The following TMEM108 variants were observed in gnomAD, a reference collection of about 807,000 sequenced individuals.
TMEM108 encodes the protein transmembrane protein 108, also known as cancer/testis antigen 124.
TMEM108 carries 12 observed loss-of-function variants against 35.1 expected under a neutral mutation model. The observed-to-expected ratio is 0.34, with a 90% CI of 0.22 to 0.55. The LOEUF is 0.55. TMEM108 is among the 20% of genes least tolerant of loss of function. The pLI is 0.89. For synonymous variants in TMEM108, 287 were observed against 308.6 expected (o/e 0.93, Z 0.73); for missense variants, 680 against 753.3 (o/e 0.90, Z 1.14).
chr3:133,075,049 A>G (rs767581802), intron 2 of TMEM108, among the ~76,000 whole-genome samples: 1 of 152,030 alleles, frequency 6.6e-6, no homozygotes, highest in African/African-American at 2.4e-5. Flanking sequence ...GGCTCTATCC[A>G]TGTTGCTATG....
chr3:133,304,203 A>G (rs774526802), intron 3 of TMEM108, among the ~76,000 whole-genome samples: 6 of 152,180 alleles, frequency 3.9e-5, no homozygotes, highest in Non-Finnish European at 8.8e-5. Context: ...CATGTGTATA[A>G]TACGGCTGTG....
intron 3 of TMEM108, among the ~76,000 whole-genome samples, chr3:133,329,158 A>G (rs1293185731): frequency 5.9e-5 from 9 of 151,908 alleles, no homozygotes; most frequent in Admixed American, 1.3e-4. Flanking sequence ...CAACACTAGT[A>G]CTTTGTGAAA....
intron 3 of TMEM108, among the ~76,000 whole-genome samples, chr3:133,324,008 C>T (rs555280760): frequency 6.6e-6 from 1 of 152,142 alleles, no homozygotes. Flanking sequence ...CCTCTCTCAC[C>T]TTATACAAAA....
intron 3 of TMEM108, among the ~76,000 whole-genome samples, chr3:133,367,323 G>A (rs979155558): frequency 1.3e-5 from 2 of 152,206 alleles, no homozygotes; most frequent in Non-Finnish European, 2.9e-5. Context: ...TAACATTAAT[G>A]ATGGTATCAG....
chr3:133,193,497 A>G (rs1393961534), intron 2 of TMEM108, among the ~76,000 whole-genome samples: 1 of 152,112 alleles, frequency 6.6e-6, no homozygotes, highest in African/African-American at 2.4e-5. Flanking sequence ...CAAAGTCCTG[A>G]GTTGGAATCA....
rs557380525 is a variant in TMEM108 at position 133,359,368 on chromosome 3, G to T, written c.41-20384G>T. Among the ~76,000 whole-genome samples the T allele has an allele frequency of 2.0e-5, 3 of 152,240 alleles. No individual in the cohort carries two copies. In the South Asian group the frequency reaches 6.2e-4, roughly 32 times the overall value. ...GCAGCATTTTCCCAAGTTTATTTGG[G>T]AACCCTTTTCTTACAAGTACAGAGT... On this transcript the variant is annotated intron_variant, in intron 3 of 5. Transcript: ENST00000321871.
At chr3:133,237,628 A>G (rs1946257538) in intron 3 of TMEM108, among the ~76,000 whole-genome samples, 3 of 152,148 alleles carry the variant, frequency 2.0e-5, no homozygotes, top group Admixed American at 1.3e-4. Context: ...CCAACTATAC[A>G]TATTTATAAA....
chr3:133,295,546 T>C (rs534995233), intron 3 of TMEM108, among the ~76,000 whole-genome samples: 1 of 152,336 alleles, frequency 6.6e-6, no homozygotes, highest in Admixed American at 6.5e-5. Context: ...ATTATTGTTA[T>C]CTAGAAAGGC....
At chr3:133,295,264 C>CT (rs1947128173) in intron 3 of TMEM108, among the ~76,000 whole-genome samples, 1 of 152,114 alleles carries the variant, frequency 6.6e-6, no homozygotes. Flanking sequence ...CATTTGAGAT[C>CT]TGGAAGGAGG....
chr3:133,104,601 G>A (rs942702448), intron 2 of TMEM108, among the ~76,000 whole-genome samples: 1 of 152,106 alleles, frequency 6.6e-6, no homozygotes, highest in African/African-American at 2.4e-5. Context: ...GCTCCTATTG[G>A]TCTTTGGCCC....
At chr3:133,153,880 CAT>C (rs764040787) in intron 2 of TMEM108, among the ~76,000 whole-genome samples, 2 of 151,878 alleles carry the variant, frequency 1.3e-5, no homozygotes, top group Non-Finnish European at 2.9e-5. Flanking sequence ...AAGGGAAGCA[CAT>C]ATATATATAG....
chr3:133,073,532 A>ATATATATATATATT (rs1324857078), intron 2 of TMEM108, among the ~76,000 whole-genome samples: 55 of 134,408 alleles, frequency 4.1e-4, no homozygotes, highest in African/African-American at 1.4e-3. Context: ...ATATATATAT[A>ATATATATATATATT]TATCACATTT....
intron 3 of TMEM108, among the ~76,000 whole-genome samples, chr3:133,282,414 T>C (rs1946927594): frequency 6.6e-6 from 1 of 152,224 alleles, no homozygotes; most frequent in South Asian, 2.1e-4. Flanking sequence ...ATTCCAGAGA[T>C]ACAGGATCAC....
At chr3:133,395,334 G>A (rs1192981773) in intron 5 of TMEM108, among the ~76,000 whole-genome samples, 1 of 152,216 alleles carries the variant, frequency 6.6e-6, no homozygotes, top group Non-Finnish European at 1.5e-5. Flanking sequence ...GGCCCTTGAA[G>A]CCTCTTGACA....
intron 2 of TMEM108, among the ~76,000 whole-genome samples, chr3:133,090,509 A>G (rs1943934840): frequency 6.6e-6 from 1 of 152,274 alleles, no homozygotes; most frequent in African/African-American, 2.4e-5. Flanking sequence ...GGACAAAGCC[A>G]TCAGTAAGCA....
intron 3 of TMEM108, among the ~76,000 whole-genome samples, chr3:133,303,534 C>T (rs577214080): frequency 6.6e-6 from 1 of 152,204 alleles, no homozygotes; most frequent in Admixed American, 6.5e-5. Context: ...CTAATGTCCC[C>T]CTTCTAAAGT....
chr3:133,365,673 G>A (rs1194000532), intron 3 of TMEM108, among the ~76,000 whole-genome samples: 1 of 152,184 alleles, frequency 6.6e-6, no homozygotes, highest in South Asian at 2.1e-4. Context: ...AGCTTAGCCT[G>A]GAGATAAGAG....
At chr3:133,165,159 T>G (rs1245982845) in intron 2 of TMEM108, among the ~76,000 whole-genome samples, 1 of 152,208 alleles carries the variant, frequency 6.6e-6, no homozygotes, top group Non-Finnish European at 1.5e-5. Flanking sequence ...ACATGGTGTA[T>G]TTCTGTATCA....
At chr3:133,266,798 CGTGGTG>C (rs1946702630) in intron 3 of TMEM108, among the ~76,000 whole-genome samples, 1 of 151,334 alleles carries the variant, frequency 6.6e-6, no homozygotes, top group African/African-American at 2.4e-5. Flanking sequence ...GGTGGCCGGG[CGTGGTG>C]GCTCATGCCT....
Sources: gnomAD v4.1 joint callset for allele counts (sites outside exome capture counted in the v4.1 genomes callset) on GRCh38, gnomAD v4.1.1 for gene constraint, MANE v1.5 for transcripts, NCBI Gene and HGNC (gene_info 2026-07-23, HGNC 2026-07-21) for gene names.